SGCD: variants seen among roughly 807,000 people sequenced by gnomAD.
SGCD encodes delta-sarcoglycan.
A neutral mutation model predicts 36.6 loss-of-function variants in SGCD; 18 were observed. The observed-to-expected ratio is 0.49, with a 90% CI of 0.34 to 0.73. The LOEUF (loss-of-function observed/expected upper bound fraction) is 0.73, where lower values mean the gene tolerates loss of function less well. Ranked by LOEUF, SGCD falls within the 30% of genes least tolerant of loss-of-function variation. The pLI is 0.01. For synonymous variants in SGCD, 133 were observed against 130.6 expected (o/e 1.02, Z -0.12); for missense variants, 387 against 346.7 (o/e 1.12, Z -0.92).
chr5:156,298,616 G>C (rs911482313), intron 3 of SGCD, among the ~76,000 whole-genome samples: 1 of 60,246 alleles, frequency 1.7e-5, no homozygotes, highest in African/African-American at 7.1e-5. Context: ...GTTTGCTCTT[G>C]TTGCCCAGGC....
chr5:156,099,898 T>A (rs1412695284), intron 1 of SGCD, among the ~76,000 whole-genome samples: 1 of 151,420 alleles, frequency 6.6e-6, no homozygotes, highest in Non-Finnish European at 1.5e-5. Flanking sequence ...TTTATGTTAA[T>A]ATATGCAGTG....
At chr5:156,515,280 T>C (rs1366946865) in intron 4 of SGCD, among the ~76,000 whole-genome samples, 1 of 152,194 alleles carries the variant, frequency 6.6e-6, no homozygotes, top group Non-Finnish European at 1.5e-5. Context: ...TACACTCTGA[T>C]TCAGTAATGA....
intron 1 of SGCD, among the ~76,000 whole-genome samples, chr5:155,983,885 C>A (rs1313352274): frequency 2.6e-5 from 4 of 152,126 alleles, no homozygotes; most frequent in East Asian, 1.9e-4. Context: ...TAGCCTAATT[C>A]TTTGCCCCTC....
chr5:155,773,140 A>G, the SGCD span, among the ~76,000 whole-genome samples: 1 of 151,968 alleles, frequency 6.6e-6, no homozygotes, highest in African/African-American at 2.4e-5. Flanking sequence ...AGTGTGTGGA[A>G]CTCCCTACCC....
chr5:156,229,273 C>CATATATATATATAT (rs1383896091), intron 3 of SGCD, among the ~76,000 whole-genome samples: 61 of 8,568 alleles, frequency 7.1e-3, no homozygotes, highest in South Asian at 0.045. Flanking sequence ...TATATATATA[C>CATATATATATATAT]ATACATATAT....
intron 1 of SGCD, among the ~76,000 whole-genome samples, chr5:155,877,265 G>C (rs568584424): frequency 6.6e-6 from 1 of 152,036 alleles, no homozygotes; most frequent in Non-Finnish European, 1.5e-5. Flanking sequence ...TTAAGATGAC[G>C]GTTTAGACTG....
chr5:156,649,670 A>G (rs9314041), intron 7 of SGCD, among the ~76,000 whole-genome samples: 127,424 of 148,520 alleles, frequency 0.86, 54,975 homozygotes, highest in East Asian at 0.99. Context: ...ATGAGATCAC[A>G]TGGACACAGG....
the SGCD span, among the ~76,000 whole-genome samples, chr5:155,785,851 C>G: frequency 2.0e-5 from 3 of 152,106 alleles, no homozygotes; most frequent in Non-Finnish European, 2.9e-5. Flanking sequence ...TAAATGAAGA[C>G]TTTTTCAGTA....
chr5:156,137,281 G>A (rs911140331), intron 3 of SGCD, among the ~76,000 whole-genome samples: 1 of 152,198 alleles, frequency 6.6e-6, no homozygotes, highest in African/African-American at 2.4e-5. Context: ...AGCCAGTGCT[G>A]CAGCCCCACC....
intron 7 of SGCD, among the ~76,000 whole-genome samples, chr5:156,713,769 G>A (rs1755102958): frequency 6.6e-6 from 1 of 152,176 alleles, no homozygotes; most frequent in South Asian, 2.1e-4. Context: ...TATGCCAAAG[G>A]AGTTGAGATA....
chr5:156,516,456 G>A (rs1324173249), intron 4 of SGCD, among the ~76,000 whole-genome samples: 1 of 152,042 alleles, frequency 6.6e-6, no homozygotes. Context: ...TGTTAAAAGT[G>A]AACAGAAAGC....
In SGCD at chr5:156,757,641, A is replaced by T. The variant is rs1335821086; in HGVS notation, c.636A>T (p.Ala212=). ...MEAPKGVEIN[A]EAGNMEATCR... ...CCCCAAAAGGAGTGGAAATCAATGCAGAAGCTGGCAATATGGAAGCCACCT... is the reference window on the plus strand; with the variant it reads ...CCCCAAAAGGAGTGGAAATCAATGCTGAAGCTGGCAATATGGAAGCCACCT... Residue 212 remains alanine, a synonymous_variant, in exon 8 of 9, where the codon GCA becomes GCT. Coordinates refer to ENST00000337851, the MANE Select transcript of SGCD (RefSeq NM_000337.6). 1 of 1,611,150 alleles carries T rather than the reference A, an allele frequency of 6.2e-7. No homozygotes were observed. The highest frequency in any genetic ancestry group is 8.5e-7 in the Non-Finnish European group (1 of 1,178,728).
the SGCD span, among the ~76,000 whole-genome samples, chr5:155,738,064 C>G: frequency 6.6e-6 from 1 of 152,156 alleles, no homozygotes; most frequent in Non-Finnish European, 1.5e-5. Context: ...ATATGTCTCT[C>G]TCTGGACCAC....
chr5:156,072,325 G>T (rs186521532), intron 1 of SGCD, among the ~76,000 whole-genome samples: 1 of 151,844 alleles, frequency 6.6e-6, no homozygotes, highest in East Asian at 1.9e-4. Flanking sequence ...GGGCAGGTCT[G>T]GTGGTCACAT....
At chr5:156,531,526 C>T (rs1757887840) in intron 4 of SGCD, among the ~76,000 whole-genome samples, 1 of 152,130 alleles carries the variant, frequency 6.6e-6, no homozygotes, top group Admixed American at 6.5e-5. Context: ...TGGGTAAAGA[C>T]ACTGGAAAGT....
chr5:156,112,742 C>G (rs939567284), intron 1 of SGCD, among the ~76,000 whole-genome samples: 3 of 152,078 alleles, frequency 2.0e-5, no homozygotes, highest in African/African-American at 7.2e-5. Context: ...GTTTGTAGAG[C>G]AAGAGTTCTA....
intron 3 of SGCD, among the ~76,000 whole-genome samples, chr5:156,372,636 G>A (rs569209843): frequency 6.6e-6 from 1 of 152,034 alleles, no homozygotes; most frequent in Non-Finnish European, 1.5e-5. Flanking sequence ...TTCCTTGAAG[G>A]CAGGGCTAGC....
intron 4 of SGCD, among the ~76,000 whole-genome samples, chr5:156,567,415 T>C (rs1410699244): frequency 2.0e-5 from 3 of 148,390 alleles, no homozygotes; most frequent in Admixed American, 6.8e-5. Flanking sequence ...GATAGATAGA[T>C]AGATAGATAG....
At chr5:156,341,062 C>T (rs1249743072) in intron 2 of SGCD, among the ~76,000 whole-genome samples, 1 of 152,118 alleles carries the variant, frequency 6.6e-6, no homozygotes, top group African/African-American at 2.4e-5. Context: ...TCATGGGACT[C>T]ATTAAAGAGG....
Sources: allele counts gnomAD v4.1 joint callset (sites outside exome capture counted in the v4.1 genomes callset), GRCh38; gene constraint gnomAD v4.1.1; transcripts MANE v1.5; gene names NCBI Gene and HGNC (gene_info 2026-07-23, HGNC 2026-07-21).